Variants in SLC2A9 observed in about 807,000 individuals in gnomAD.
The protein encoded by SLC2A9 is solute carrier family 2, facilitated glucose transporter member 9.
Under a neutral mutation model 50.6 loss-of-function variants are expected in SLC2A9, and 39 were observed. The observed-to-expected ratio is 0.77, with a 90% CI of 0.60 to 1.01. The LOEUF is 1.01. SLC2A9 is among the 50% of genes least tolerant of loss of function. The pLI is 0.00. For synonymous variants in SLC2A9, 324 were observed against 276.9 expected (o/e 1.17, Z -1.69); for missense variants, 686 against 677.6 (o/e 1.01, Z -0.14).
downstream of SLC2A9, among the ~76,000 whole-genome samples, chr4:9,824,109 A>G (rs549300811): frequency 3.3e-4 from 50 of 152,256 alleles, no homozygotes; most frequent in Middle Eastern, 3.4e-3. Context: ...GAATTAATGG[A>G]TTAATGAGTG....
intron 3 of SLC2A9, among the ~76,000 whole-genome samples, chr4:9,815,949 C>T (rs1723527996): frequency 6.6e-6 from 1 of 152,100 alleles, no homozygotes; most frequent in Non-Finnish European, 1.5e-5. Flanking sequence ...GCAGGTGGAT[C>T]ACTTGAGGTC....
In SLC2A9 at chr4:9,808,220, G is replaced by T. The variant is rs969926691; in HGVS notation, n.421-8979C>A. Among the ~76,000 whole-genome samples, 3 of 152,204 alleles carry T rather than the reference G, an allele frequency of 2.0e-5. No homozygotes were observed. The South Asian group carries it at 6.2e-4, about 32-fold the overall frequency. Reference sequence around the variant, plus strand: ...ACAAGCCCCCTTTTCCACTGGCCAGGCCTCTTCTCAGAAAACTTGTTTCCA... The same window carrying T: ...ACAAGCCCCCTTTTCCACTGGCCAGTCCTCTTCTCAGAAAACTTGTTTCCA... On this transcript the variant is annotated intron_variant and non_coding_transcript_variant, in intron 3 of 3. Coordinates refer to the SLC2A9 transcript ENST00000503280.
chr4:9,879,868 T>C (rs1560229256), intron 10 of SLC2A9: 2 of 985,294 alleles, frequency 2.0e-6, no homozygotes, highest in Non-Finnish European at 1.2e-6. Flanking sequence ...TGCCTTGGGG[T>C]TATGCACACA....
chr4:9,810,598 T>C (rs569945432), intron 3 of SLC2A9, among the ~76,000 whole-genome samples: 15 of 152,362 alleles, frequency 9.8e-5, no homozygotes, highest in African/African-American at 3.6e-4. Flanking sequence ...TAATTTTTGC[T>C]GCAAAAATAG....
At chr4:10,035,628 T>C (rs140246730) in intron 1 of SLC2A9, 1 of 152,332 alleles carries the variant, frequency 6.6e-6, no homozygotes, top group Non-Finnish European at 1.5e-5. Flanking sequence ...CTTTGGGGTG[T>C]GTCTGTGACG....
intron 9 of SLC2A9, among the ~76,000 whole-genome samples, chr4:9,889,245 A>G (rs1056086377): frequency 1.3e-5 from 2 of 152,122 alleles, no homozygotes; most frequent in Admixed American, 1.3e-4. Context: ...CAAGCACAGA[A>G]GAGCCCTAGG....
At chr4:9,779,311 T>C (rs1345490839), downstream of SLC2A9, among the ~76,000 whole-genome samples, 1 of 152,178 alleles carries the variant, frequency 6.6e-6, no homozygotes, top group Non-Finnish European at 1.5e-5. Flanking sequence ...CCAACTGCTG[T>C]ACACTTAGAT....
At chr4:9,938,666 T>A (rs1208944665) in intron 6 of SLC2A9, among the ~76,000 whole-genome samples, 1 of 152,210 alleles carries the variant, frequency 6.6e-6, no homozygotes, top group Non-Finnish European at 1.5e-5. Flanking sequence ...CTTCAGTGAA[T>A]TCAGGTTTGA....
At chr4:9,869,202 G>A (rs1732996969) in intron 10 of SLC2A9, among the ~76,000 whole-genome samples, 1 of 152,178 alleles carries the variant, frequency 6.6e-6, no homozygotes, top group Admixed American at 6.5e-5. Flanking sequence ...GCTGAGAAGT[G>A]GATGGAACGG....
intron 5 of SLC2A9, 54 bp downstream of exon 5, chr4:9,980,538 G>A (rs1755546458): frequency 6.2e-7 from 1 of 1,611,866 alleles, no homozygotes; most frequent in Non-Finnish European, 8.5e-7. Context: ...GCTCCTTCCT[G>A]CAGTGGTAAC....
At chr4:10,040,014 A>G (rs917101054) in intron 1 of SLC2A9, 3 of 152,574 alleles carry the variant, frequency 2.0e-5, no homozygotes, top group African/African-American at 7.2e-5. Context: ...CCCAGCATAG[A>G]GAGCTCCACT....
chr4:9,980,076 C>G (rs367585335), intron 5 of SLC2A9, among the ~76,000 whole-genome samples: 1 of 152,118 alleles, frequency 6.6e-6, no homozygotes, highest in Non-Finnish European at 1.5e-5. Context: ...AGTAAATCAT[C>G]GAACTGGGAT....
At chr4:9,945,630 T>C (rs1465157864) in intron 5 of SLC2A9, among the ~76,000 whole-genome samples, 2 of 152,116 alleles carry the variant, frequency 1.3e-5, no homozygotes, top group Non-Finnish European at 2.9e-5. Context: ...TGATAAGACA[T>C]ACCTAGTGAC....
At chr4:9,822,988 G>C (rs999540634), downstream of SLC2A9, among the ~76,000 whole-genome samples, 10 of 152,008 alleles carry the variant, frequency 6.6e-5, 2 homozygotes, top group Admixed American at 3.9e-4. Flanking sequence ...CTATACTTTG[G>C]GTTTTGGTTT....
At chr4:9,856,340 C>A (rs1391882439) in intron 10 of SLC2A9, among the ~76,000 whole-genome samples, 1 of 152,012 alleles carries the variant, frequency 6.6e-6, no homozygotes, top group Admixed American at 6.6e-5. Context: ...AAGACATACA[C>A]GCAACCAACA....
At chr4:9,928,602 C>CG (rs1321328311) in intron 6 of SLC2A9, among the ~76,000 whole-genome samples, 2 of 152,056 alleles carry the variant, frequency 1.3e-5, no homozygotes, top group African/African-American at 4.8e-5. Flanking sequence ...GGCGTGGTGG[C>CG]GGGTGCCTGT....
chr4:9,991,291 A>C (rs1268051497), intron 3 of SLC2A9, among the ~76,000 whole-genome samples: 1 of 152,190 alleles, frequency 6.6e-6, no homozygotes, highest in Admixed American at 6.5e-5. Flanking sequence ...GCTTCTGGGC[A>C]ATTGACTTTC....
At chr4:9,983,749 C>G (rs1172052123) in intron 4 of SLC2A9, among the ~76,000 whole-genome samples, 1 of 152,214 alleles carries the variant, frequency 6.6e-6, no homozygotes, top group East Asian at 1.9e-4. Flanking sequence ...TTTTAAGAGA[C>G]AGGGTTTCGC....
intron 2 of SLC2A9, among the ~76,000 whole-genome samples, chr4:10,000,235 A>C (rs961030790): frequency 1.3e-5 from 2 of 152,240 alleles, no homozygotes; most frequent in African/African-American, 2.4e-5. Context: ...ATACTGATCT[A>C]CGTCATCCAC....
Sources: gnomAD v4.1 joint callset for allele counts (sites outside exome capture counted in the v4.1 genomes callset) on GRCh38, gnomAD v4.1.1 for gene constraint, MANE v1.5 for transcripts, NCBI Gene and HGNC (gene_info 2026-07-23, HGNC 2026-07-21) for gene names.